Variants in FNDC1 observed in about 807,000 individuals in gnomAD.
The protein encoded by FNDC1 is fibronectin type III domain containing 1.
FNDC1 carries 96 observed loss-of-function variants against 168.0 expected under a neutral mutation model. That is an observed-to-expected ratio of 0.57 (90% confidence interval 0.48 to 0.68). The LOEUF is 0.68. FNDC1 is among the 30% of genes least tolerant of loss of function. FNDC1 has a pLI of 0.00. For missense variants in FNDC1, 2,587 were observed against 2,482.1 expected (o/e 1.04, Z -0.90); for synonymous variants, 1,099 against 1,025.9 (o/e 1.07, Z -1.36).
chr6:159,233,910 C>T lies in FNDC1; in HGVS notation c.3398C>T (p.Ala1133Val). 3 of 1,547,854 alleles carry T rather than the reference C, an allele frequency of 1.9e-6. No homozygotes were observed. The highest frequency in any genetic ancestry group is 2.6e-6 in the Non-Finnish European group (3 of 1,145,542). Residue 1133 changes from alanine to valine, a missense_variant, in exon 11 of 23, where the codon GCC (alanine) becomes GTC (valine). Ala to Val is a moderately conservative substitution (Grantham distance 64). Transcript: ENST00000297267. The surrounding 1 kb of genome is among the most constrained non-coding windows in gnomAD (Gnocchi z 4.6). ...GDHRSQRGHA[A>V]SPARPSRPGG... ...CACAGGTCCCAGCGCGGACATGCGG[C>T]CTCCCCCGCCAGGCCCAGCCGACCC...
intron 1 of FNDC1, among the ~76,000 whole-genome samples, chr6:159,182,132 A>G (rs1008575367): frequency 2.0e-5 from 3 of 152,210 alleles, no homozygotes; most frequent in East Asian, 1.9e-4. Context: ...TCACAGCTGC[A>G]TCATGACTGC....
intron 21 of FNDC1, among the ~76,000 whole-genome samples, chr6:159,267,346 C>T (rs1460983949): frequency 6.6e-6 from 1 of 152,184 alleles, no homozygotes; most frequent in Non-Finnish European, 1.5e-5. Context: ...GTTTGTCCTA[C>T]TGTGCAGCCA....
rs774015435 is a variant in FNDC1 at position 159,239,552 on chromosome 6, C to G, written c.4216C>G (p.Leu1406Val). The change falls in exon 14 of 23, where the codon CTC becomes GTC. Residue 1406 changes from leucine (L) to valine (V), a missense_variant. Transcript: ENST00000297267. Reference sequence around the variant, plus strand: ...GACCCCCGTGGTGAGTCCTGACGGCCTCCCACTCTTTGGGCAGGGGCGACA... The same window carrying G: ...GACCCCCGTGGTGAGTCCTGACGGCGTCCCACTCTTTGGGCAGGGGCGACA... ...EGTPVVSPDGLPLFGQGRHGT... is the reference protein window; with the variant it reads ...EGTPVVSPDGVPLFGQGRHGT... 1 of 1,606,126 alleles carries G rather than the reference C, an allele frequency of 6.2e-7. No individual in the cohort carries two copies. The highest frequency in any genetic ancestry group is 8.5e-7 in the Non-Finnish European group (1 of 1,176,190).
chr6:159,236,168 T>G, intron 11 of FNDC1, 47 bp from the exon 12 acceptor site: 1 of 1,368,474 alleles, frequency 7.3e-7, no homozygotes, highest in Non-Finnish European at 1.0e-6. Context: ...TTCCCGGGCA[T>G]GTTGAATTTA....
intron 1 of FNDC1, among the ~76,000 whole-genome samples, chr6:159,170,582 G>C (rs1220065226): frequency 1.3e-5 from 2 of 152,160 alleles, no homozygotes; most frequent in African/African-American, 4.8e-5. Context: ...TTATTGGTTT[G>C]TAGAAATCCA....
chr6:159,270,641 A>G (rs1270546054), intron 22 of FNDC1, among the ~76,000 whole-genome samples: 1 of 152,184 alleles, frequency 6.6e-6, no homozygotes, highest in African/African-American at 2.4e-5. Flanking sequence ...TTCCAGAAAA[A>G]TTTTTAGAAG....
At chr6:159,219,041 C>T (rs387596) in intron 5 of FNDC1, among the ~76,000 whole-genome samples, 68,860 of 149,712 alleles carry the variant, frequency 0.46, 17,386 homozygotes, top group East Asian at 0.68. Flanking sequence ...ATTTCAGTTT[C>T]CCCTCTTTTT....
At chr6:159,268,017 C>T (rs695019) in intron 22 of FNDC1, 91 bp downstream of exon 22, 211,781 of 1,383,436 alleles carry the variant, frequency 0.15, 18,149 homozygotes, top group East Asian at 0.39. Context: ...CTGCCTTTGC[C>T]TTGTCATTCG....
rs780842632 is a variant in FNDC1 at position 159,234,480 on chromosome 6, G to T, written c.3967+1G>T. The T allele has an allele frequency of 6.2e-7, 1 of 1,612,868 alleles. No individual in the cohort carries two copies. Among genetic ancestry groups the T allele is most frequent in the African/African-American group, 1.3e-5 (1 of 74,936 alleles). The stretch of plus-strand genomic sequence containing the variant: ...CCTGCCAGACCCTCTTACAGACAAG[G>T]TAGTTTATTTTTTCAAACAGTCTTT... On this transcript the variant is annotated splice_donor_variant, in intron 11 of 22. Coordinates refer to ENST00000297267, the MANE Select transcript of FNDC1 (RefSeq NM_032532.3). LOFTEE classifies it high-confidence loss of function.
chr6:159,207,488 CTGAT>C (rs1423293457), intron 4 of FNDC1, among the ~76,000 whole-genome samples: 3 of 152,152 alleles, frequency 2.0e-5, no homozygotes. Flanking sequence ...TTGCTGCTTT[CTGAT>C]TGATATCTGG....
chr6:159,191,679 A>G (rs1394189615), intron 1 of FNDC1, among the ~76,000 whole-genome samples: 1 of 152,196 alleles, frequency 6.6e-6, no homozygotes, highest in Non-Finnish European at 1.5e-5. Context: ...TGGTAGACTG[A>G]CTGTAAATCA....
In FNDC1 at chr6:159,232,741, CG is replaced by C; in HGVS notation, c.2232del (p.Lys745ArgfsTer165). The C allele has an allele frequency of 6.2e-7, 1 of 1,613,946 alleles. No individual in the cohort carries two copies. The highest frequency in any genetic ancestry group is 1.7e-5 in the Admixed American group (1 of 60,022). On this transcript the variant is annotated frameshift_variant, in exon 11 of 23. Transcript: ENST00000297267. LOFTEE classifies it high-confidence loss of function. This position sits in a 1 kb window ranked among gnomAD's most constrained non-coding sequence, Gnocchi z 4.9. ...PHLSSPLSKG[G>X]KDGEDAPATN... The stretch of plus-strand genomic sequence containing the variant: ...ACCTGAGCTCTCCACTTTCCAAGGG[CG>C]GGAAGGATGGTGAGGACGCCCCAGC...
chr6:159,263,955 C>CAAAG (rs35844929), intron 19 of FNDC1, among the ~76,000 whole-genome samples: 240 of 146,368 alleles, frequency 1.6e-3, no homozygotes, highest in Non-Finnish European at 3.0e-3. Context: ...AACTCCGTCT[C>CAAAG]AAACAAACAA....
rs577926968 is a variant in FNDC1 at position 159,255,747 on chromosome 6, A to G, written c.5066-776A>G. On this transcript the variant is annotated intron_variant, in intron 17 of 22. Transcript: ENST00000297267. The stretch of plus-strand genomic sequence containing the variant: ...ATTCAATTGAGAGTACCTAGCTGGC[A>G]TAATGTTTGGCTCAAAGGAAGTGCT... Among the ~76,000 whole-genome samples the G allele has an allele frequency of 8.4e-4, 128 of 152,354 alleles. 4 individuals carry two copies. The South Asian group carries it at 0.024, about 29-fold the overall frequency.
At chr6:159,170,320 G>C (rs769530496) in intron 1 of FNDC1, among the ~76,000 whole-genome samples, 1 of 152,226 alleles carries the variant, frequency 6.6e-6, no homozygotes, top group East Asian at 1.9e-4. Context: ...GTCTTGAGAG[G>C]AGGGAGAGGG....
At chr6:159,188,613 C>T (rs531519431) in intron 1 of FNDC1, among the ~76,000 whole-genome samples, 63 of 151,836 alleles carry the variant, frequency 4.1e-4, no homozygotes, top group Non-Finnish European at 6.2e-4. Context: ...CTCCTGACCT[C>T]GTGATCCACC....
At chr6:159,262,619 A>T (rs1160507649) in intron 19 of FNDC1, among the ~76,000 whole-genome samples, 1 of 152,244 alleles carries the variant, frequency 6.6e-6, no homozygotes, top group Non-Finnish European at 1.5e-5. Context: ...AAATCCAAAA[A>T]GCTATCAAGA....
intron 5 of FNDC1, among the ~76,000 whole-genome samples, chr6:159,217,115 T>A (rs1478643647): frequency 6.6e-6 from 1 of 152,136 alleles, no homozygotes; most frequent in Admixed American, 6.5e-5. Flanking sequence ...CTACTTAGTC[T>A]TAAAAGGTAA....
intron 12 of FNDC1, 26 bp downstream of exon 12, chr6:159,236,341 C>A: frequency 6.7e-7 from 1 of 1,500,588 alleles, no homozygotes; most frequent in Non-Finnish European, 9.3e-7. Context: ...TTACACATCC[C>A]CGTTGTTTTC....
Sources: gnomAD v4.1 joint callset for allele counts (sites outside exome capture counted in the v4.1 genomes callset) on GRCh38, gnomAD v4.1.1 for gene constraint, Gnocchi (gnomAD v3.1) non-coding constraint, MANE v1.5 for transcripts, NCBI Gene and HGNC (gene_info 2026-07-23, HGNC 2026-07-21) for gene names.